Variants in DPY30 observed in about 807,000 individuals in gnomAD.
The protein encoded by DPY30 is protein dpy-30 homolog.
DPY30 carries 6 observed loss-of-function variants against 16.2 expected under a neutral mutation model. The ratio of observed to expected loss-of-function variants is 0.37; its 90% CI spans 0.20 to 0.73. DPY30 has a LOEUF of 0.73. Among genes scored for constraint, DPY30 ranks in the 30% least tolerant of loss-of-function variants. The pLI is 0.51. For synonymous variants in DPY30, 39 were observed against 38.8 expected, an observed-to-expected ratio of 1.00 and a Z score of -0.02; for missense variants, 73 against 113.1, an observed-to-expected ratio of 0.65 and a Z score of 1.61.
intron 3 of DPY30, among the ~76,000 whole-genome samples, chr2:32,036,597 G>T (rs1235115529): frequency 1.3e-5 from 2 of 151,322 alleles, no homozygotes; most frequent in Admixed American, 6.6e-5. Flanking sequence ...CATGAACCCG[G>T]AAGGCGGAGC....
At chr2:32,028,717 TGAGGTG>T (rs1407928021) in intron 4 of DPY30, among the ~76,000 whole-genome samples, 11 of 152,226 alleles carry the variant, frequency 7.2e-5, no homozygotes, top group African/African-American at 2.4e-4. Context: ...CTTGAACTCA[TGAGGTG>T]GAGGTTGCAG....
downstream of DPY30, chr2:32,023,498 C>A: frequency 2.1e-6 from 1 of 476,574 alleles, no homozygotes; most frequent in Admixed American, 2.3e-5. Context: ...ATAATAATAT[C>A]TACTTTGCAG....
Position 32,031,449 on chromosome 2 carries a change from T to C in DPY30, c.85-1713A>G, listed in dbSNP as rs149156104. ...AAAGAAAAATAAAAAATAAAAAAAC[T>C]AGACAGGCATGGTGGTGCACACCTG... On this transcript the variant is annotated intron_variant, in intron 3 of 4. Coordinates refer to ENST00000342166, the MANE Select transcript of DPY30 (RefSeq NM_001321209.2). 6.0e-4 allele frequency among the ~76,000 whole-genome samples: 91 copies of C among 150,776 alleles called. 1 individual carries two copies. The East Asian group carries it at 0.015, about 25-fold the overall frequency.
At position 32,039,284 on chromosome 2, in the gene DPY30, C is replaced by T. The variant is rs1190969789; in HGVS notation, c.79G>A (p.Val27Ile). 2.5e-6 allele frequency: 4 copies of T among 1,614,136 alleles called. No homozygotes were observed. The highest frequency in any genetic ancestry group is 3.4e-6 in the Non-Finnish European group (4 of 1,180,036). The change falls in exon 3 of 5, where the codon GTT (valine) becomes ATT (isoleucine). Residue 27 changes from valine (V) to isoleucine (I), a missense_variant. Physicochemically the swap from Val to Ile is conservative, Grantham distance 29. Around this residue, in one of 3 missense-constraint regions of DPY30, gnomAD observed 52 missense variants for 71.5 expected, o/e 0.73. Coordinates refer to ENST00000342166, the MANE Select transcript of DPY30 (RefSeq NM_001321209.2). The stretch of plus-strand genomic sequence containing the variant: ...ATAGGAACTTGGCGAGTTACCTCAA[C>T]GTTGTCTGTGAGACCGTACTCAGAG... ...PHSEYGLTDNVERIVENEKIN... is the reference protein window; with the variant it reads ...PHSEYGLTDNIERIVENEKIN...
In DPY30 at chr2:32,015,950, C is replaced by T. The variant is rs183938296; in HGVS notation, n.378-3898G>A. ...CTCTGTTGCCCAGGGAGTGCACTGG[C>T]GCAATCTCGGCTCACTGCAGCCTCC... is the stretch of plus-strand genomic sequence containing the variant. On this transcript the variant is annotated intron_variant and non_coding_transcript_variant, in intron 5 of 5. Transcript: ENST00000414013. Among the ~76,000 whole-genome samples the T allele has an allele frequency of 5.9e-4, 90 of 152,046 alleles. No individual in the cohort carries two copies. In the East Asian group the frequency reaches 8.3e-3, roughly 14 times the overall value.
At chr2:32,031,731 A>AG (rs1675550436) in intron 3 of DPY30, among the ~76,000 whole-genome samples, 1 of 152,010 alleles carries the variant, frequency 6.6e-6, no homozygotes. Flanking sequence ...TGTCTCTACT[A>AG]AAAATACAAA....
chr2:32,012,465 C>G (rs929751675), intron 5 of DPY30, among the ~76,000 whole-genome samples: 2 of 104,330 alleles, frequency 1.9e-5, no homozygotes, highest in Admixed American at 1.5e-4. Flanking sequence ...GAGTCTTGCT[C>G]TGTCACCCAG....
chr2:32,031,489 TAAG>T (rs894419617), intron 3 of DPY30, among the ~76,000 whole-genome samples: 4 of 151,652 alleles, frequency 2.6e-5, no homozygotes, highest in Admixed American at 2.6e-4. Context: ...GCCAGCTACT[TAAG>T]AAGCTGAAAC....
downstream of DPY30, among the ~76,000 whole-genome samples, chr2:32,020,298 G>C (rs1485960839): frequency 6.6e-6 from 1 of 151,970 alleles, no homozygotes; most frequent in Non-Finnish European, 1.5e-5. Flanking sequence ...CCAGGAGTTC[G>C]AGTTCAAGAC....
chr2:32,029,861 T>A (rs550593821), intron 3 of DPY30, 125 bp from the exon 4 acceptor site: 7 of 1,015,906 alleles, frequency 6.9e-6, no homozygotes, highest in Non-Finnish European at 1.0e-5. Context: ...AAGATGGTAC[T>A]AGACCACAAA....
intron 5 of DPY30, among the ~76,000 whole-genome samples, chr2:32,013,860 T>G (rs893453740): frequency 1.3e-5 from 2 of 151,658 alleles, no homozygotes; most frequent in Non-Finnish European, 2.9e-5. Flanking sequence ...ATACAAAAAT[T>G]AGCCAGGCGT....
intron 5 of DPY30, among the ~76,000 whole-genome samples, chr2:32,012,886 T>C (rs763562969): frequency 6.5e-4 from 99 of 152,234 alleles, no homozygotes; most frequent in Non-Finnish European, 9.4e-4. Flanking sequence ...TAAGTGTTTA[T>C]ATGATGATGG....
chr2:32,035,311 C>T (rs895531744), intron 3 of DPY30, among the ~76,000 whole-genome samples: 1 of 151,816 alleles, frequency 6.6e-6, no homozygotes, highest in South Asian at 2.1e-4. Context: ...AATAAATAAA[C>T]AAAAACATTT....
downstream of DPY30, chr2:32,023,770 T>G: frequency 1.5e-6 from 2 of 1,305,240 alleles, no homozygotes; most frequent in Non-Finnish European, 2.0e-6. Context: ...ATTTTTTAAA[T>G]TATACTTGAC....
At chr2:32,038,205 G>A (rs906277384) in intron 3 of DPY30, among the ~76,000 whole-genome samples, 2 of 137,934 alleles carry the variant, frequency 1.4e-5, no homozygotes, top group Non-Finnish European at 3.1e-5. Context: ...GCATGATCTC[G>A]GCTCACTGCA....
downstream of DPY30, chr2:32,023,626 C>T: frequency 1.2e-6 from 1 of 817,240 alleles, no homozygotes; most frequent in Non-Finnish European, 1.8e-6. Context: ...TATTGTATCC[C>T]CTTTGCAATG....
chr2:32,013,070 C>A (rs993630407), intron 5 of DPY30: 2 of 152,042 alleles, frequency 1.3e-5, no homozygotes, highest in African/African-American at 4.8e-5. Flanking sequence ...GCTGTGTGAC[C>A]ATGGACATCT....
chr2:32,032,926 G>T (rs1388936299), intron 3 of DPY30, among the ~76,000 whole-genome samples: 1 of 152,006 alleles, frequency 6.6e-6, no homozygotes, highest in Non-Finnish European at 1.5e-5. Flanking sequence ...AACCCTGGAG[G>T]CAGAGGTTGC....
At position 32,029,620 on chromosome 2, in the gene DPY30, C is replaced by T. The variant is rs974201909; in HGVS notation, c.201G>A (p.Gln67=). ...LDQTVVPILL[Q]GLAVLAKERP... is the part of the protein sequence containing the mutation. ...TTTCCTTTGCAAGCACAGCAAGTCC[C>T]TGTAATAAGATAGGCACAACTGTCT... The change falls in exon 4 of 5, where the codon CAG becomes CAA. Residue 67 remains glutamine, a synonymous_variant. Transcript: ENST00000342166. 1.2e-6 allele frequency: 2 copies of T among 1,613,230 alleles called. No individual in the cohort carries two copies. Among genetic ancestry groups the T allele is most frequent in the Non-Finnish European group, 1.7e-6 (2 of 1,179,960 alleles).
Sources: gnomAD v4.1 joint callset for allele counts (sites outside exome capture counted in the v4.1 genomes callset) on GRCh38, gnomAD v4.1.1 for gene constraint, gnomAD v4.1.1 regional missense constraint, MANE v1.5 for transcripts, NCBI Gene and HGNC (gene_info 2026-07-23, HGNC 2026-07-21) for gene names.